The following MMS22L variants were observed in gnomAD, a reference collection of about 807,000 sequenced individuals.
MMS22L encodes the protein MMS22 like, DNA repair protein.
In MMS22L, 74 loss-of-function variants were observed where a neutral mutation model predicts 159.1. The ratio of observed to expected loss-of-function variants is 0.47; its 90% confidence interval spans 0.39 to 0.56. The LOEUF (loss-of-function observed/expected upper bound fraction) is 0.56. Ranked by LOEUF, MMS22L falls within the 20% of genes least tolerant of loss-of-function variation. The pLI is 0.00. For synonymous variants in MMS22L, 517 were observed against 506.9 expected, an observed-to-expected ratio of 1.02 and a Z score of -0.27; for missense variants, 1,351 against 1,422.1, an observed-to-expected ratio of 0.95 and a Z score of 0.80.
At chr6:97,239,198 T>A (rs1376720245) in intron 11 of MMS22L, among the ~76,000 whole-genome samples, 1 of 152,100 alleles carries the variant, frequency 6.6e-6, no homozygotes, top group Non-Finnish European at 1.5e-5. Context: ...TTGTCCCACA[T>A]TATTTAGATC....
intron 9 of MMS22L, among the ~76,000 whole-genome samples, chr6:97,262,705 G>C (rs1208124086): frequency 7.0e-6 from 1 of 143,606 alleles, no homozygotes. Context: ...CCAAATTACA[G>C]AAAACTGGAA....
chr6:97,168,306 T>C (rs1803186213), intron 19 of MMS22L, 66 bp from the exon 20 acceptor site: 2 of 1,492,830 alleles, frequency 1.3e-6, no homozygotes, highest in Admixed American at 1.9e-5. Context: ...TGTCACTTAA[T>C]TTAAAAATTT....
intron 4 of MMS22L, among the ~76,000 whole-genome samples, chr6:97,273,464 T>C (rs180992068): frequency 2.6e-4 from 39 of 152,306 alleles, no homozygotes; most frequent in Non-Finnish European, 4.4e-5. Context: ...TGTATATCTC[T>C]TCCCATATGT....
At chr6:97,246,013 C>T (rs1812602543) in intron 11 of MMS22L, 1 of 240,548 alleles carries the variant, frequency 4.2e-6, no homozygotes, top group Non-Finnish European at 8.5e-6. Flanking sequence ...TCTCCATAAA[C>T]TCTTACAAAA....
intron 9 of MMS22L, among the ~76,000 whole-genome samples, chr6:97,256,296 A>T (rs764409007): frequency 3.9e-5 from 6 of 152,176 alleles, no homozygotes; most frequent in Non-Finnish European, 8.8e-5. Context: ...ACCTTAAAAG[A>T]GTAGCTCATT....
chr6:97,222,613 T>G (rs1055006362), intron 14 of MMS22L, among the ~76,000 whole-genome samples: 1 of 151,972 alleles, frequency 6.6e-6, no homozygotes, highest in Non-Finnish European at 1.5e-5. Flanking sequence ...TCCTGAAAAT[T>G]TATTGTTTCT....
At chr6:97,171,239 A>G (rs1354222202) in intron 19 of MMS22L, among the ~76,000 whole-genome samples, 1 of 152,194 alleles carries the variant, frequency 6.6e-6, no homozygotes, top group Non-Finnish European at 1.5e-5. Flanking sequence ...GATGGCTACT[A>G]CAAGTTTGAA....
intron 21 of MMS22L, among the ~76,000 whole-genome samples, chr6:97,163,979 A>G (rs1182843220): frequency 6.6e-6 from 1 of 152,084 alleles, no homozygotes; most frequent in East Asian, 1.9e-4. Context: ...TTTCATGGAC[A>G]AAAAAGATAT....
In MMS22L at chr6:97,182,034, C is replaced by T. The variant is rs1317665310; in HGVS notation, c.2254G>A (p.Asp752Asn). The T allele has an allele frequency of 1.2e-6, 2 of 1,609,904 alleles. No homozygotes were observed. Among genetic ancestry groups the T allele is most frequent in the African/African-American group, 2.7e-5 (2 of 74,734 alleles). The change falls in exon 16 of 25, where the codon GAC becomes AAC. Residue 752 changes from aspartate to asparagine, a missense_variant. Physicochemically the swap from Asp to Asn is conservative, Grantham distance 23. Transcript: ENST00000683635. ...AAADFTLLAM[D>N]MPSTAPSDFQ... ...TCTGATGGAGCTGTGCTTGGCATGT[C>T]CATTGCTAGCAAAGTAAAGTCTAGA...
chr6:97,274,690 A>G (rs1241121691), intron 4 of MMS22L, among the ~76,000 whole-genome samples: 1 of 152,118 alleles, frequency 6.6e-6, no homozygotes, highest in Non-Finnish European at 1.5e-5. Flanking sequence ...GGAAGTCCAA[A>G]TTTGCAGGGC....
At chr6:97,181,196 T>C (rs1804668735) in intron 16 of MMS22L, among the ~76,000 whole-genome samples, 1 of 152,148 alleles carries the variant, frequency 6.6e-6, no homozygotes. Flanking sequence ...GAAGTGGTCA[T>C]GAATATGCTC....
chr6:97,201,176 G>A (rs1176064087), intron 14 of MMS22L, among the ~76,000 whole-genome samples: 1 of 152,128 alleles, frequency 6.6e-6, no homozygotes, highest in East Asian at 1.9e-4. Context: ...ATTGTGAAAG[G>A]TGGACACAGC....
chr6:97,266,231 G>A (rs1815101324), intron 8 of MMS22L: 1 of 152,120 alleles, frequency 6.6e-6, no homozygotes, highest in Admixed American at 6.5e-5. Flanking sequence ...AATGTAAATT[G>A]GTACAGCCAT....
In MMS22L at chr6:97,272,780, A is replaced by G. The variant is rs1815875319; in HGVS notation, c.530T>C (p.Leu177Ser). The part of the protein sequence containing the change: ...PSVLIDELHG[L>S]LLYIGHLSEL... ...AGATAGGTGTCCAATATACAAGAGT[A>G]ATCCATGAAGCTCATCAATCAACAC... The change falls in exon 6 of 25, where the codon TTA (leucine) becomes TCA (serine). Residue 177 changes from leucine to serine, a missense_variant. Transcript: ENST00000683635. The G allele has an allele frequency of 2.5e-6, 4 of 1,613,976 alleles. No homozygotes were observed. The highest frequency in any genetic ancestry group is 3.4e-6 in the Non-Finnish European group (4 of 1,179,948).
At chr6:97,227,448 C>A (rs559828696) in intron 14 of MMS22L, among the ~76,000 whole-genome samples, 1 of 152,052 alleles carries the variant, frequency 6.6e-6, no homozygotes, top group Non-Finnish European at 1.5e-5. Flanking sequence ...AGAGACAAAC[C>A]AAAACTGATA....
intron 14 of MMS22L, among the ~76,000 whole-genome samples, chr6:97,215,064 A>AT (rs941442896): frequency 2.1e-5 from 3 of 146,266 alleles, no homozygotes; most frequent in African/African-American, 7.5e-5. Context: ...CCAATTTCTG[A>AT]TTTTTTTCAC....
chr6:97,235,736 T>A (rs1204946657), intron 11 of MMS22L, among the ~76,000 whole-genome samples: 1 of 152,062 alleles, frequency 6.6e-6, no homozygotes, highest in Admixed American at 6.6e-5. Context: ...GCTGAGGACA[T>A]CTAGGAGGTG....
chr6:97,165,258 A>C lies in MMS22L; in HGVS notation c.3209T>G (p.Val1070Gly), dbSNP rs759369765. 6.2e-7 allele frequency: 1 copy of C among 1,612,276 alleles called. No homozygotes were observed. The highest frequency in any genetic ancestry group is 8.5e-7 in the Non-Finnish European group (1 of 1,178,722). ...TATTTAGATGTACCTTATGACTTGCACAATGCATTTCTTTAGAGATGATAT... is the reference window on the plus strand; with the variant it reads ...TATTTAGATGTACCTTATGACTTGCCCAATGCATTTCTTTAGAGATGATAT... ...PPISSLKKCI[V>G]QVIRKSYLEY... The change falls in exon 21 of 25, where the codon GTG (valine) becomes GGG (glycine). Residue 1070 changes from valine to glycine, a missense_variant. Coordinates refer to ENST00000683635, the MANE Select transcript of MMS22L (RefSeq NM_001350599.2).
intron 14 of MMS22L, among the ~76,000 whole-genome samples, chr6:97,194,031 G>A (rs1260089221): frequency 1.3e-5 from 2 of 151,716 alleles, no homozygotes; most frequent in African/African-American, 4.8e-5. Flanking sequence ...AAAGTGCTGG[G>A]ATTACAGGCG....
Sources: allele counts gnomAD v4.1 joint callset (sites outside exome capture counted in the v4.1 genomes callset), GRCh38; gene constraint gnomAD v4.1.1; transcripts MANE v1.5; gene names NCBI Gene and HGNC (gene_info 2026-07-23, HGNC 2026-07-21).